The following GSE1 variants were observed in gnomAD, a reference collection of about 807,000 sequenced individuals.
GSE1 encodes the protein genetic suppressor element 1.
GSE1 carries 32 observed loss-of-function variants against 112.6 expected under a neutral mutation model. The observed-to-expected ratio is 0.28, with a 90% CI of 0.21 to 0.38. The LOEUF is 0.38. Ranked by LOEUF, GSE1 falls within the 10% of genes least tolerant of loss-of-function variation. The pLI, the probability that GSE1 is intolerant of heterozygous loss-of-function variation, is 1.00. For missense variants in GSE1, 2,348 were observed against 1,699.2 expected, an observed-to-expected ratio of 1.38 and a Z score of -6.71; for synonymous variants, 1,115 against 735.6, an observed-to-expected ratio of 1.52 and a Z score of -8.35.
chr16:85,259,261 G>A (rs530258982), intron 1 of GSE1, among the ~76,000 whole-genome samples: 12 of 152,206 alleles, frequency 7.9e-5, no homozygotes, highest in African/African-American at 2.4e-4. Flanking sequence ...TGCAGCCCCC[G>A]TCCTGCCCTG....
chr16:85,586,724 C>T (rs919139524), intron 1 of GSE1, among the ~76,000 whole-genome samples: 6 of 152,198 alleles, frequency 3.9e-5, no homozygotes, highest in African/African-American at 1.2e-4. Flanking sequence ...GTGAGACCCC[C>T]GTCCACAGCC....
At position 85,671,067 on chromosome 16, in the gene GSE1, T is replaced by G. The variant is rs761270817; in HGVS notation, c.3488T>G (p.Leu1163Arg). The change falls in exon 15 of 16, where the codon CTG (leucine) becomes CGG (arginine). Residue 1163 changes from leucine to arginine, a missense_variant. By Grantham distance (102) the Leu-to-Arg change is moderately radical. Coordinates refer to ENST00000253458, the MANE Select transcript of GSE1 (RefSeq NM_014615.5). ...RLEARHYSLSLTAEQLSHSVA... is the reference protein window; with the variant it reads ...RLEARHYSLSRTAEQLSHSVA... ...GAGGCCCGGCACTACAGCCTCAGCC[T>G]GACGGCAGAGCAGCTCTCCCACAGC... 4.3e-6 allele frequency: 7 copies of G among 1,609,452 alleles called. No homozygotes were observed. Among genetic ancestry groups the G allele is most frequent in the African/African-American group, 2.7e-5 (2 of 74,808 alleles).
intron 2 of GSE1, among the ~76,000 whole-genome samples, chr16:85,485,567 C>T (rs905112826): frequency 1.3e-5 from 2 of 152,242 alleles, no homozygotes; most frequent in South Asian, 2.1e-4. Flanking sequence ...CTGCCGCCGC[C>T]GCCGCGTTAA....
chr16:85,179,725 C>T (rs749542364), intron 1 of GSE1, among the ~76,000 whole-genome samples: 4 of 152,246 alleles, frequency 2.6e-5, no homozygotes, highest in South Asian at 2.1e-4. Context: ...TTGAAGATGG[C>T]GATCGTTTTT....
At chr16:85,277,111 G>A (rs1909444392) in intron 1 of GSE1, among the ~76,000 whole-genome samples, 1 of 152,146 alleles carries the variant, frequency 6.6e-6, no homozygotes, top group Non-Finnish European at 1.5e-5. Flanking sequence ...GGGTGTAGGG[G>A]ACACCTGGCC....
At chr16:85,554,861 C>T (rs1399968855), upstream of GSE1, 5 of 984,924 alleles carry the variant, frequency 5.1e-6, no homozygotes, top group Non-Finnish European at 6.0e-6. Flanking sequence ...GCCAGCGGCG[C>T]CCGCAGCCGC....
intron 1 of GSE1, among the ~76,000 whole-genome samples, chr16:85,179,263 C>G (rs1355221883): frequency 1.3e-5 from 2 of 152,170 alleles, no homozygotes; most frequent in Non-Finnish European, 2.9e-5. Context: ...TAATTCGTGC[C>G]TTTTTGTGAC....
At chr16:85,267,529 G>A (rs923017086) in intron 1 of GSE1, among the ~76,000 whole-genome samples, 23 of 152,226 alleles carry the variant, frequency 1.5e-4, no homozygotes, top group African/African-American at 4.3e-4. Flanking sequence ...GGACAGTCAC[G>A]TCACGCTCCT....
At chr16:85,218,813 T>G (rs2075344719) in intron 1 of GSE1, among the ~76,000 whole-genome samples, 1 of 152,234 alleles carries the variant, frequency 6.6e-6, no homozygotes, top group East Asian at 1.9e-4. Flanking sequence ...CTTTGCATAT[T>G]TTTTATAAGA....
At chr16:85,417,275 T>G (rs920614710) in intron 2 of GSE1, among the ~76,000 whole-genome samples, 2 of 152,184 alleles carry the variant, frequency 1.3e-5, no homozygotes, top group African/African-American at 2.4e-5. Context: ...CCAGTAGCAC[T>G]CACTCCCCGA....
intron 1 of GSE1, among the ~76,000 whole-genome samples, chr16:85,345,359 A>T (rs75152374): frequency 0.022 from 3,291 of 152,332 alleles, 107 homozygotes; most frequent in African/African-American, 0.075. Flanking sequence ...TGCAGTGGCA[A>T]AGCTGAGTGG....
At chr16:85,187,840 G>C (rs1008768071) in intron 1 of GSE1, among the ~76,000 whole-genome samples, 17 of 152,228 alleles carry the variant, frequency 1.1e-4, no homozygotes, top group African/African-American at 4.1e-4. Flanking sequence ...AATGATCGCT[G>C]TGGTTATTTA....
At chr16:85,345,484 A>G (rs1242615201) in intron 1 of GSE1, among the ~76,000 whole-genome samples, 4 of 152,146 alleles carry the variant, frequency 2.6e-5, no homozygotes, top group Non-Finnish European at 5.9e-5. Flanking sequence ...TCCTTGTTCC[A>G]GGAACACTCT....
At chr16:85,397,900 C>T (rs1188839071) in intron 2 of GSE1, among the ~76,000 whole-genome samples, 1 of 151,624 alleles carries the variant, frequency 6.6e-6, no homozygotes, top group Non-Finnish European at 1.5e-5. Flanking sequence ...ATGAGCCCCG[C>T]AGACCAGGGG....
intron 1 of GSE1, among the ~76,000 whole-genome samples, chr16:85,327,941 C>G (rs1226680080): frequency 6.6e-6 from 1 of 152,166 alleles, no homozygotes; most frequent in Non-Finnish European, 1.5e-5. Flanking sequence ...CTCATCCTTG[C>G]CCTGGTGCCC....
At chr16:85,369,365 C>A (rs528512825) in intron 2 of GSE1, among the ~76,000 whole-genome samples, 2 of 151,298 alleles carry the variant, frequency 1.3e-5, no homozygotes, top group South Asian at 2.1e-4. Flanking sequence ...TACAGACATG[C>A]GACACCATTC....
chr16:85,554,484 T>C (rs939300814), upstream of GSE1, among the ~76,000 whole-genome samples: 1 of 152,128 alleles, frequency 6.6e-6, no homozygotes, highest in Non-Finnish European at 1.5e-5. Context: ...CCTTCCCGGA[T>C]CTGATAATGC....
chr16:85,214,251 A>G (rs4302023), intron 1 of GSE1, among the ~76,000 whole-genome samples: 1 of 151,276 alleles, frequency 6.6e-6, no homozygotes, highest in African/African-American at 2.4e-5. Context: ...GGGCCCCCCC[A>G]CCCAGATTCT....
intron 2 of GSE1, among the ~76,000 whole-genome samples, chr16:85,430,699 G>A (rs1290036253): frequency 3.3e-5 from 5 of 152,234 alleles, no homozygotes; most frequent in African/African-American, 4.8e-5. Context: ...GGCACAGGGC[G>A]GCGGCAGTCT....
Sources: allele counts gnomAD v4.1 joint callset (sites outside exome capture counted in the v4.1 genomes callset), GRCh38; gene constraint gnomAD v4.1.1; transcripts MANE v1.5; gene names NCBI Gene and HGNC (gene_info 2026-07-23, HGNC 2026-07-21).